RMP64: variants seen among roughly 807,000 people sequenced by gnomAD.
The protein encoded by RMP64 is ribonuclease MRP subunit p64, also known as nucleolus and neural progenitor protein.
chr3:113,004,450 A>C, the RMP64 span: 1 of 152,240 alleles, frequency 6.6e-6, no homozygotes, highest in East Asian at 1.9e-4. Flanking sequence ...ACAAAGCCAA[A>C]TAAAGAATGG....
At chr3:113,005,276 T>C in the RMP64 span, 1 of 466,620 alleles carries the variant, frequency 2.1e-6, no homozygotes, top group Non-Finnish European at 3.9e-6. Context: ...AGGAATTACA[T>C]CTGCTTCTCA....
At chr3:113,013,451 G>C in the RMP64 span, 1 of 1,260,872 alleles carries the variant, frequency 7.9e-7, no homozygotes, top group Non-Finnish European at 1.1e-6. Flanking sequence ...AAAAAAAAGG[G>C]TTTTTTTTTT....
chr3:113,004,488 G>A, the RMP64 span: 2 of 152,356 alleles, frequency 1.3e-5, no homozygotes, highest in East Asian at 3.8e-4. Flanking sequence ...TTATGATAGG[G>A]TGGCTGAGGA....
At chr3:113,013,450 G>C in the RMP64 span, 4,775 of 1,442,138 alleles carry the variant, frequency 3.3e-3, 167 homozygotes, top group African/African-American at 0.073. Context: ...AAAAAAAAAG[G>C]GTTTTTTTTT....
chr3:113,012,919 G>T, the RMP64 span: 4 of 732,972 alleles, frequency 5.5e-6, no homozygotes, highest in Non-Finnish European at 9.5e-6. Context: ...TTTCTTAAAG[G>T]TATTAAAGCC....
the RMP64 span, chr3:113,008,064 C>A: frequency 3.1e-6 from 3 of 969,078 alleles, no homozygotes; most frequent in East Asian, 2.5e-5. Context: ...CAATTTAGCC[C>A]CGCTGCGGCT....
At chr3:113,010,981 CA>C in the RMP64 span, 4 of 1,437,086 alleles carry the variant, frequency 2.8e-6, no homozygotes, top group African/African-American at 1.4e-5. Flanking sequence ...CTATTACTTT[CA>C]AAAGGTTTCT....
At chr3:113,007,908 T>A in the RMP64 span, among the ~76,000 whole-genome samples, 1 of 152,176 alleles carries the variant, frequency 6.6e-6, no homozygotes, top group Admixed American at 6.5e-5. Flanking sequence ...CTAGACACTC[T>A]TAATGGTTCC....
the RMP64 span, chr3:113,014,365 T>C: frequency 5.2e-6 from 1 of 193,330 alleles, no homozygotes; most frequent in Non-Finnish European, 1.1e-5. Flanking sequence ...AGATTTTTTT[T>C]TTTTTTTTCA....
At chr3:113,016,443 A>T in the RMP64 span, among the ~76,000 whole-genome samples, 2 of 33,832 alleles carry the variant, frequency 5.9e-5, no homozygotes, top group Non-Finnish European at 4.6e-4. Context: ...GCTACGTAAG[A>T]GAGAGAGACT....
chr3:113,019,505 G>T, the RMP64 span: 1 of 1,544,066 alleles, frequency 6.5e-7, no homozygotes, highest in Middle Eastern at 1.7e-4. Context: ...GCCTCCCCCG[G>T]AAACGTTCCC....
At chr3:113,012,489 C>T in the RMP64 span, 551 of 334,200 alleles carry the variant, frequency 1.6e-3, 2 homozygotes, top group African/African-American at 2.8e-3. Flanking sequence ...CAGTCACTCC[C>T]GATTTTTTTA....
At chr3:113,011,105 T>C in the RMP64 span, 1 of 1,612,662 alleles carries the variant, frequency 6.2e-7, no homozygotes, top group South Asian at 1.1e-5. Flanking sequence ...TGTACATTGA[T>C]CTTCATTTGT....
chr3:113,017,449 T>G, the RMP64 span: 14 of 1,613,322 alleles, frequency 8.7e-6, no homozygotes, highest in Non-Finnish European at 1.2e-5. Flanking sequence ...CTTCCTCACC[T>G]GTTTGAGGGC....
the RMP64 span, chr3:113,005,475 C>T: frequency 9.2e-7 from 1 of 1,085,448 alleles, no homozygotes; most frequent in Admixed American, 1.8e-5. Flanking sequence ...CTTAGCAGTT[C>T]TACTTAGAAC....
chr3:113,010,690 A>G, the RMP64 span: 1 of 1,613,446 alleles, frequency 6.2e-7, no homozygotes, highest in East Asian at 2.2e-5. Flanking sequence ...CTCACATCAA[A>G]TTCTGATGAC....
the RMP64 span, chr3:113,011,486 C>T: frequency 7.6e-7 from 1 of 1,318,468 alleles, no homozygotes; most frequent in Non-Finnish European, 1.0e-6. Flanking sequence ...AGATTGAAAG[C>T]TGAAAATAAA....
At chr3:113,010,936 G>A in the RMP64 span, 6 of 1,022,312 alleles carry the variant, frequency 5.9e-6, no homozygotes, top group East Asian at 2.4e-5. Flanking sequence ...AAATTAAGAT[G>A]TGAGATGTTG....
the RMP64 span, chr3:113,013,316 G>A: frequency 6.2e-7 from 1 of 1,613,990 alleles, no homozygotes. Context: ...GCAACAACTT[G>A]CAGGCTCCCA....
Sources: gnomAD v4.1 joint callset for allele counts (sites outside exome capture counted in the v4.1 genomes callset) on GRCh38, gnomAD v4.1.1 for gene constraint, MANE v1.5 for transcripts, NCBI Gene and HGNC (gene_info 2026-07-23, HGNC 2026-07-21) for gene names.